The following PRP4K variants were observed in gnomAD, a reference collection of about 807,000 sequenced individuals.
PRP4K encodes serine/threonine-protein kinase PRP4 homolog.
At chr6:4,058,857 A>G in the PRP4K span, 5 of 1,435,912 alleles carry the variant, frequency 3.5e-6, no homozygotes, top group Non-Finnish European at 4.8e-6. Flanking sequence ...TTTTATTGTT[A>G]ACTGAGTACT....
At chr6:4,038,518 C>A in the PRP4K span, among the ~76,000 whole-genome samples, 1 of 151,700 alleles carries the variant, frequency 6.6e-6, no homozygotes, top group Non-Finnish European at 1.5e-5. Context: ...GTCTCGAACT[C>A]CTGACCCCAA....
chr6:4,063,363 TGA>T, the PRP4K span: 2 of 152,294 alleles, frequency 1.3e-5, no homozygotes, highest in East Asian at 3.9e-4. Context: ...TGCTGGATGC[TGA>T]GATTCCACAT....
At chr6:4,033,520 T>C in the PRP4K span, among the ~76,000 whole-genome samples, 1 of 151,918 alleles carries the variant, frequency 6.6e-6, no homozygotes, top group Admixed American at 6.6e-5. Flanking sequence ...CGGGGAGGAG[T>C]GTTTATACCA....
the PRP4K span, among the ~76,000 whole-genome samples, chr6:4,022,976 TTAA>T: frequency 2.0e-5 from 3 of 152,236 alleles, no homozygotes; most frequent in East Asian, 3.8e-4. Context: ...AATATTAGAC[TTAA>T]TAATTTCAAA....
the PRP4K span, among the ~76,000 whole-genome samples, chr6:4,023,884 T>TC: frequency 6.6e-6 from 1 of 151,668 alleles, no homozygotes; most frequent in African/African-American, 2.4e-5. Context: ...TTTTTTTTTT[T>TC]TGAGACGGAG....
the PRP4K span, chr6:4,056,388 A>G: frequency 6.2e-7 from 1 of 1,614,038 alleles, no homozygotes; most frequent in African/African-American, 1.3e-5. Context: ...GCGGATAATG[A>G]CATAACACCT....
At chr6:4,043,548 A>G in the PRP4K span, among the ~76,000 whole-genome samples, 1 of 152,196 alleles carries the variant, frequency 6.6e-6, no homozygotes, top group Non-Finnish European at 1.5e-5. Context: ...GGAGAAAATA[A>G]GACAATAAAT....
the PRP4K span, chr6:4,031,529 G>T: frequency 7.2e-7 from 1 of 1,389,048 alleles, no homozygotes; most frequent in South Asian, 1.5e-5. Context: ...TAAATGATAT[G>T]ATTTTAAAAT....
At chr6:4,052,980 G>T in the PRP4K span, 2 of 1,036,828 alleles carry the variant, frequency 1.9e-6, no homozygotes, top group South Asian at 2.4e-5. Context: ...GCATAGTTCA[G>T]TATATTAATA....
chr6:4,040,640 A>G, the PRP4K span: 8 of 956,894 alleles, frequency 8.4e-6, no homozygotes, highest in Admixed American at 2.0e-4. Flanking sequence ...ACTATATTTT[A>G]GAAGAGTTTT....
chr6:4,030,124 G>A, the PRP4K span, among the ~76,000 whole-genome samples: 1 of 152,028 alleles, frequency 6.6e-6, no homozygotes, highest in Admixed American at 6.5e-5. Flanking sequence ...TGTATTTTTA[G>A]TAGAGAGGGG....
chr6:4,046,096 G>A, the PRP4K span, among the ~76,000 whole-genome samples: 1 of 152,180 alleles, frequency 6.6e-6, no homozygotes, highest in Non-Finnish European at 1.5e-5. Flanking sequence ...TGATTATAAT[G>A]GTGTTGTGCA....
chr6:4,047,051 G>T, the PRP4K span: 4 of 742,124 alleles, frequency 5.4e-6, no homozygotes, highest in Non-Finnish European at 9.6e-6. Flanking sequence ...ATTGAATACT[G>T]TTGGGAAACT....
chr6:4,057,343 G>A, the PRP4K span, among the ~76,000 whole-genome samples: 1 of 152,186 alleles, frequency 6.6e-6, no homozygotes, highest in Non-Finnish European at 1.5e-5. Context: ...CTTTTCTGGT[G>A]TTTTAAATTA....
At chr6:4,041,006 T>A in the PRP4K span, 1 of 1,386,784 alleles carries the variant, frequency 7.2e-7, no homozygotes, top group Non-Finnish European at 9.8e-7. Flanking sequence ...TTAAATAATA[T>A]CCACCTAAAT....
chr6:4,046,053 A>C, the PRP4K span, among the ~76,000 whole-genome samples: 1 of 152,200 alleles, frequency 6.6e-6, no homozygotes, highest in African/African-American at 2.4e-5. Flanking sequence ...TGATATTTGA[A>C]TTGTGTCCAG....
chr6:4,043,808 T>TAATA, the PRP4K span: 1 of 1,613,242 alleles, frequency 6.2e-7, no homozygotes, highest in Non-Finnish European at 8.5e-7. Flanking sequence ...GTATTGTTAT[T>TAATA]ACAGAAATAT....
At chr6:4,023,076 G>A in the PRP4K span, among the ~76,000 whole-genome samples, 1 of 152,138 alleles carries the variant, frequency 6.6e-6, no homozygotes, top group Admixed American at 6.5e-5. Context: ...GGTGTAAATG[G>A]AATATTTGGT....
the PRP4K span, among the ~76,000 whole-genome samples, chr6:4,024,694 C>T: frequency 6.6e-6 from 1 of 152,236 alleles, no homozygotes; most frequent in African/African-American, 2.4e-5. Flanking sequence ...CCTCTGCGTC[C>T]CAGGTTCAAG....
Sources: allele counts gnomAD v4.1 joint callset (sites outside exome capture counted in the v4.1 genomes callset), GRCh38; gene constraint gnomAD v4.1.1; transcripts MANE v1.5; gene names NCBI Gene and HGNC (gene_info 2026-07-23, HGNC 2026-07-21).